Variants in RPUSD2 observed in about 807,000 individuals in gnomAD.
RPUSD2 encodes pseudouridylate synthase RPUSD2.
A neutral mutation model predicts 41.5 loss-of-function variants in RPUSD2; 31 were observed. That is an observed-to-expected ratio of 0.75 (90% CI 0.56 to 1.01). The LOEUF (loss-of-function observed/expected upper bound fraction) is 1.01. Among genes scored for constraint, RPUSD2 ranks in the 50% least tolerant of loss-of-function variants. The pLI, the probability that RPUSD2 is intolerant of heterozygous loss-of-function variation, is 0.00. For missense variants in RPUSD2, 749 were observed against 724.7 expected, an observed-to-expected ratio of 1.03 and a Z score of -0.38; for synonymous variants, 305 against 289.7, an observed-to-expected ratio of 1.05 and a Z score of -0.54.
intron 2 of RPUSD2, 127 bp from the exon 3 acceptor site, chr15:40,573,400 G>A (rs182745094): frequency 3.0e-6 from 3 of 1,015,916 alleles, no homozygotes; most frequent in South Asian, 3.3e-5. Flanking sequence ...ACCCAAGATC[G>A]CAAAACTGGC....
rs553716637 is a variant in RPUSD2, at chr15:40,572,386, C to T, written c.903+486C>T. Among the ~76,000 whole-genome samples the T allele has an allele frequency of 4.2e-3, 638 of 151,992 alleles. 2 individuals are homozygous for T. Among genetic ancestry groups the T allele is most frequent in the Admixed American group, 0.013 (194 of 15,262 alleles). On this transcript the variant is annotated intron_variant, in intron 2 of 2. Transcript: ENST00000315616. The stretch of plus-strand genomic sequence containing the variant: ...GGTCATCCTGGCTAACACGGTGAAA[C>T]CCCGTCTCTACTAAAAAAAAATACA...
At position 40,573,959 on chromosome 15, in the gene RPUSD2, T is replaced by C. The variant is rs931637093; in HGVS notation, c.1336T>C (p.Ser446Pro). Residue 446 changes from serine (S) to proline (P), a missense_variant, in exon 3 of 3, where the codon TCC (serine) becomes CCC (proline). Ser to Pro is a moderately conservative substitution (Grantham distance 74). Coordinates refer to ENST00000315616, the MANE Select transcript of RPUSD2 (RefSeq NM_152260.3). ...AGGACTCACAGACTCTACGGCCCCC[T>C]CCTCAGAGTTGGGCAAGGACGACCT... ...SPGLTDSTAP[S>P]SELGKDDLEE... 2 of 1,614,024 alleles carry C rather than the reference T, an allele frequency of 1.2e-6. No individual in the cohort carries two copies. The highest frequency in any genetic ancestry group is 3.3e-5 in the Admixed American group (2 of 60,020).
In RPUSD2 at chr15:40,574,459, C is replaced by T. The variant is rs1891213992; in HGVS notation, c.*198C>T. 2 of 517,466 alleles carry T rather than the reference C, an allele frequency of 3.9e-6. No individual in the cohort carries two copies. Among genetic ancestry groups the T allele is most frequent in the Admixed American group, 7.3e-5 (2 of 27,552 alleles). The allele number at this position is 517,466 out of a possible 1,614,324, so 32.1% of individuals were successfully genotyped here. On this transcript the variant is annotated 3_prime_UTR_variant, in exon 3 of 3. Coordinates refer to ENST00000315616, the MANE Select transcript of RPUSD2 (RefSeq NM_152260.3). ...TTTGTAAATATATCCCTTTTTCTAA[C>T]ATCTTTGATGTCTGGTTTTCTTCCG...
chr15:40,572,047 A>G (rs1448525821), intron 2 of RPUSD2, 147 bp downstream of exon 2: 1 of 808,748 alleles, frequency 1.2e-6, no homozygotes, highest in East Asian at 2.6e-5. Flanking sequence ...TCAACACCTA[A>G]AGTGCCAAAT....
In RPUSD2 at chr15:40,572,799, A is replaced by G. The variant is rs55675456; in HGVS notation, c.904-728A>G. On this transcript the variant is annotated intron_variant, in intron 2 of 2. Coordinates refer to ENST00000315616, the MANE Select transcript of RPUSD2 (RefSeq NM_152260.3). Reference sequence around the variant, plus strand: ...GAGCAAGGCTTTTAAGATTATGGGGAGAGCCTGCTTGGTGAAAAGATTCTA... The same window carrying G: ...GAGCAAGGCTTTTAAGATTATGGGGGGAGCCTGCTTGGTGAAAAGATTCTA... Among the ~76,000 whole-genome samples, 397 of 152,272 alleles carry G rather than the reference A, an allele frequency of 2.6e-3. 1 individual carries two copies. Among genetic ancestry groups the G allele is most frequent in the African/African-American group, 9.2e-3 (381 of 41,546 alleles).
In RPUSD2 at chr15:40,573,542, G is replaced by A. The variant is rs761084231; in HGVS notation, c.919G>A (p.Val307Met). The stretch of plus-strand genomic sequence containing the variant: ...TCCTATGTAGCTGGAGAAGGAGTAC[G>A]TGTGCCGGGTGGAAGGGGAGTTCCC... Reference protein sequence around the residue: ...VRDRQLEKEYVCRVEGEFPTE... With the variant: ...VRDRQLEKEYMCRVEGEFPTE... The change falls in exon 3 of 3, where the codon GTG becomes ATG. Residue 307 changes from valine to methionine, a missense_variant. Val to Met is a conservative substitution (Grantham distance 21). Coordinates refer to ENST00000315616, the MANE Select transcript of RPUSD2 (RefSeq NM_152260.3). 12 of 1,613,012 alleles carry A rather than the reference G, an allele frequency of 7.4e-6. No homozygotes were observed. Among genetic ancestry groups the A allele is most frequent in the South Asian group, 1.1e-5 (1 of 90,874 alleles).
intron 2 of RPUSD2, 85 bp from the exon 3 acceptor site, chr15:40,573,442 C>T (rs1566990332): frequency 6.8e-7 from 1 of 1,461,950 alleles, no homozygotes; most frequent in South Asian, 1.3e-5. Context: ...AATTTTCTGA[C>T]ACTGGTCCTT....
Position 40,574,092 on chromosome 15 carries a change from T to G in RPUSD2, c.1469T>G (p.Val490Gly). ...TCAGAGAAGGCAGTTGAAACAGATG[T>G]CATGAATCAAGAGACAGACCCACTC... The part of the protein sequence containing the change: ...LASEKAVETD[V>G]MNQETDPLCA... Residue 490 changes from valine to glycine, a missense_variant, in exon 3 of 3, where the codon GTC (valine) becomes GGC (glycine). Val to Gly is a moderately radical substitution (Grantham distance 109). Transcript: ENST00000315616. The G allele has an allele frequency of 1.9e-6, 3 of 1,614,116 alleles. No individual in the cohort carries two copies. Among genetic ancestry groups the G allele is most frequent in the Non-Finnish European group, 2.5e-6 (3 of 1,180,002 alleles).
intron 2 of RPUSD2, 68 bp from the exon 3 acceptor site, chr15:40,573,459 C>G: frequency 6.5e-7 from 1 of 1,533,152 alleles, no homozygotes; most frequent in Non-Finnish European, 8.8e-7. Context: ...CCTTATCACT[C>G]CACAAAGAGT....
rs1891187966 is a variant in RPUSD2 at position 40,573,632 on chromosome 15, G to A, written c.1009G>A (p.Val337Ile). 2 of 1,614,170 alleles carry A rather than the reference G, an allele frequency of 1.2e-6. No individual in the cohort carries two copies. The highest frequency in any genetic ancestry group is 1.7e-6 in the Non-Finnish European group (2 of 1,180,028). The change falls in exon 3 of 3, where the codon GTA becomes ATA. Residue 337 changes from valine to isoleucine, a missense_variant. Transcript: ENST00000315616. ...GTCTTACAAAGTAGGGGTGTGCCGTGTAGATCCCCGGGGCAAGCCCTGTGA... is the reference window on the plus strand; with the variant it reads ...GTCTTACAAAGTAGGGGTGTGCCGTATAGATCCCCGGGGCAAGCCCTGTGA... ...VVSYKVGVCRVDPRGKPCETV... is the reference protein window; with the variant it reads ...VVSYKVGVCRIDPRGKPCETV...
At position 40,573,848 on chromosome 15, in the gene RPUSD2, G is replaced by A. The variant is rs367888095; in HGVS notation, c.1225G>A (p.Glu409Lys). ...GGGCGGCTACATTCCCAAGACAAACGAGGAGTTGCTACGGGACCTGGTAGC... is the reference window on the plus strand; with the variant it reads ...GGGCGGCTACATTCCCAAGACAAACAAGGAGTTGCTACGGGACCTGGTAGC... ...GRGGYIPKTN[E>K]ELLRDLVAEH... Residue 409 changes from glutamate to lysine, a missense_variant, in exon 3 of 3, where the codon GAG (glutamate) becomes AAG (lysine). By Grantham distance (56) the Glu-to-Lys change is moderately conservative (BLOSUM62 1). Transcript: ENST00000315616. The A allele has an allele frequency of 1.4e-5, 23 of 1,614,148 alleles. 1 individual carries two copies. The highest frequency in any genetic ancestry group is 6.7e-5 in the Admixed American group (4 of 60,024).
Position 40,569,362 on chromosome 15 carries a change from C to G in RPUSD2, c.25C>G (p.Leu9Val), listed in dbSNP as rs1482957255. The change falls in exon 1 of 3, where the codon CTC becomes GTC. Residue 9 changes from leucine to valine, a missense_variant. By Grantham distance (32) the Leu-to-Val change is conservative. Transcript: ENST00000315616. MWLDRRGW[L>V]RVLGHWRYDL... Reference sequence around the variant, plus strand: ...TATGTGGCTGGACCGCCGCGGATGGCTCAGGGTTCTTGGACATTGGCGCTA... The same window carrying G: ...TATGTGGCTGGACCGCCGCGGATGGGTCAGGGTTCTTGGACATTGGCGCTA... 7 of 1,501,410 alleles carry G rather than the reference C, an allele frequency of 4.7e-6. No individual in the cohort carries two copies. Among genetic ancestry groups the G allele is most frequent in the Non-Finnish European group, 6.2e-6 (7 of 1,128,768 alleles). The allele number at this position is 1,501,410 out of a possible 1,614,324, so 93.0% of individuals were successfully genotyped here. A position where few individuals can be genotyped will look rare whatever the true frequency, so the allele number is the denominator to read the frequency against.
chr15:40,569,363 T>A lies in RPUSD2; in HGVS notation c.26T>A (p.Leu9His). 6.7e-7 allele frequency: 1 copy of A among 1,500,582 alleles called. No individual in the cohort carries two copies. The highest frequency in any genetic ancestry group is 8.9e-7 in the Non-Finnish European group (1 of 1,128,224). 93.0% of individuals were successfully genotyped at this position (1,500,582 alleles called of 1,614,324 possible). A position where few individuals can be genotyped will look rare whatever the true frequency, so the allele number is the denominator to read the frequency against. The change falls in exon 1 of 3, where the codon CTC becomes CAC. Residue 9 changes from leucine (L) to histidine (H), a missense_variant. By Grantham distance (99) the Leu-to-His change is moderately conservative (BLOSUM62 -3). Transcript: ENST00000315616. ...ATGTGGCTGGACCGCCGCGGATGGC[T>A]CAGGGTTCTTGGACATTGGCGCTAC... Reference protein sequence around the residue: MWLDRRGWLRVLGHWRYDL... With the variant: MWLDRRGWHRVLGHWRYDL...
At position 40,574,572 on chromosome 15, in the gene RPUSD2, C is replaced by T. The variant is rs1891215920; in HGVS notation, c.*311C>T. 4.6e-6 allele frequency: 1 copy of T among 217,328 alleles called. No individual in the cohort carries two copies. The highest frequency in any genetic ancestry group is 9.2e-6 in the Non-Finnish European group (1 of 108,666). 13.5% of individuals were successfully genotyped at this position (217,328 alleles called of 1,614,324 possible). On this transcript the variant is annotated 3_prime_UTR_variant, in exon 3 of 3. Coordinates refer to ENST00000315616, the MANE Select transcript of RPUSD2 (RefSeq NM_152260.3). The stretch of plus-strand genomic sequence containing the variant: ...GGCACAGTGGCTCATGGCTATAATC[C>T]TAGTACTTTGGGAGGTAGAAGTGAA...
intron 2 of RPUSD2, among the ~76,000 whole-genome samples, chr15:40,572,578 A>C (rs982981000): frequency 7.9e-5 from 12 of 151,570 alleles, no homozygotes; most frequent in African/African-American, 2.9e-4. Context: ...AAAAAAAAAA[A>C]AAACTTACCC....
intron 2 of RPUSD2, among the ~76,000 whole-genome samples, chr15:40,572,522 G>A (rs561929450): frequency 5.5e-4 from 82 of 149,640 alleles, no homozygotes; most frequent in Middle Eastern, 3.5e-3. Flanking sequence ...GCCGAATCGC[G>A]CCACCGCACT....
Position 40,571,437 on chromosome 15 carries a change from G to C in RPUSD2, c.607-167G>C. On this transcript the variant is annotated intron_variant, in intron 1 of 2. Transcript: ENST00000315616. ...CAGTGCCAGCTATCTGCCTGTGTCTGTCTGTATTTTTACAAAATGAGATCA... is the reference window on the plus strand; with the variant it reads ...CAGTGCCAGCTATCTGCCTGTGTCTCTCTGTATTTTTACAAAATGAGATCA... 1.3e-5 allele frequency among the ~76,000 whole-genome samples: 2 copies of C among 152,128 alleles called. 1 individual carries two copies. Among genetic ancestry groups the C allele is most frequent in the East Asian group, 3.8e-4 (2 of 5,196 alleles).
At position 40,569,543 on chromosome 15, in the gene RPUSD2, C is replaced by G. The variant is rs958892355; in HGVS notation, c.206C>G (p.Pro69Arg). 30 of 1,536,622 alleles carry G rather than the reference C, an allele frequency of 2.0e-5. No individual in the cohort carries two copies. Among genetic ancestry groups the G allele is most frequent in the Non-Finnish European group, 2.4e-5 (28 of 1,146,162 alleles). ...AGGDAKVELSPGPPKPAGREV... is the reference protein window; with the variant it reads ...AGGDAKVELSRGPPKPAGREV... Reference sequence around the variant, plus strand: ...GGCGACGCGAAGGTTGAGCTGTCCCCCGGGCCCCCGAAGCCGGCTGGCCGG... The same window carrying G: ...GGCGACGCGAAGGTTGAGCTGTCCCGCGGGCCCCCGAAGCCGGCTGGCCGG... Residue 69 changes from proline (P) to arginine (R), a missense_variant, in exon 1 of 3, where the codon CCC (proline) becomes CGC (arginine). Physicochemically the swap from Pro to Arg is moderately radical, Grantham distance 103 (BLOSUM62 -2). Transcript: ENST00000315616.
intron 1 of RPUSD2, 65 bp downstream of exon 1, chr15:40,570,008 G>C: frequency 6.9e-7 from 1 of 1,442,036 alleles, no homozygotes; most frequent in Non-Finnish European, 9.1e-7. Flanking sequence ...GTTTTGTTTT[G>C]TTTTGTTTTT....
Sources: allele counts gnomAD v4.1 joint callset (sites outside exome capture counted in the v4.1 genomes callset), GRCh38; gene constraint gnomAD v4.1.1; transcripts MANE v1.5; gene names NCBI Gene and HGNC (gene_info 2026-07-23, HGNC 2026-07-21).